Variants in NGLY1 observed in about 807,000 individuals in gnomAD.
NGLY1 encodes peptide-N(4)-(N-acetyl-beta-glucosaminyl)asparagine amidase.
A neutral mutation model predicts 84.6 loss-of-function variants in NGLY1; 68 were observed. That is an observed-to-expected ratio of 0.80 (90% CI 0.66 to 0.98). NGLY1 has a LOEUF of 0.98. Among genes scored for constraint, NGLY1 ranks in the 50% least tolerant of loss-of-function variants. The pLI is 0.00. For missense variants in NGLY1, 779 were observed against 770.2 expected, an observed-to-expected ratio of 1.01 and a Z score of -0.14; for synonymous variants, 280 against 275.2, an observed-to-expected ratio of 1.02 and a Z score of -0.17.
At chr3:25,752,895 A>G (rs1209187736) in intron 3 of NGLY1, among the ~76,000 whole-genome samples, 3 of 152,038 alleles carry the variant, frequency 2.0e-5, no homozygotes, top group African/African-American at 7.2e-5. Flanking sequence ...ATGGCTAAAG[A>G]GTGATCAGTC....
intron 10 of NGLY1, among the ~76,000 whole-genome samples, chr3:25,726,059 T>C (rs1264687695): frequency 1.3e-5 from 2 of 152,090 alleles, no homozygotes; most frequent in Non-Finnish European, 2.9e-5. Context: ...CATAATGCCA[T>C]GCACCCGCCC....
intron 1 of NGLY1, chr3:25,789,751 T>A: frequency 1.5e-6 from 2 of 1,291,226 alleles, no homozygotes; most frequent in South Asian, 2.6e-5. Flanking sequence ...TCCTTAATTC[T>A]TTCTTACAAT....
chr3:25,783,358 G>A lies in NGLY1; in HGVS notation c.33C>T (p.Gly11=), dbSNP rs1708511346. MAAAALGSSS[G]SASPAVAELC... ...GCTCAGCCACGGCCGGGGACGCCGA[G>A]CCTGAGGAGCTGCCCAATGCCGCCG... The change falls in exon 1 of 12, where the codon GGC becomes GGT. Residue 11 remains glycine, a synonymous_variant. Transcript: ENST00000280700. This position sits in a 1 kb window ranked among gnomAD's most constrained non-coding sequence, Gnocchi z 4.5. 1 of 1,563,542 alleles carries A rather than the reference G, an allele frequency of 6.4e-7. No individual in the cohort carries two copies. Among genetic ancestry groups the A allele is most frequent in the Non-Finnish European group, 8.6e-7 (1 of 1,156,146 alleles).
chr3:25,789,980 G>T, exon 1 of NGLY1: 1 of 1,321,944 alleles, frequency 7.6e-7, no homozygotes, highest in Non-Finnish European at 1.1e-6. Flanking sequence ...CAGCCAAGGT[G>T]ACGCGGCTTA....
intron 2 of NGLY1, among the ~76,000 whole-genome samples, chr3:25,775,953 C>T (rs1481730102): frequency 2.0e-5 from 3 of 152,202 alleles, no homozygotes. Flanking sequence ...CAAAATATCA[C>T]CTGTACCCCA....
intron 1 of NGLY1, among the ~76,000 whole-genome samples, chr3:25,789,497 A>C (rs1414025613): frequency 1.3e-5 from 2 of 152,192 alleles, no homozygotes; most frequent in African/African-American, 4.8e-5. Flanking sequence ...CAGACCTTTA[A>C]AGAATTATTT....
At chr3:25,752,965 G>C (rs1053024624) in intron 3 of NGLY1, among the ~76,000 whole-genome samples, 1 of 151,850 alleles carries the variant, frequency 6.6e-6, no homozygotes, top group Non-Finnish European at 1.5e-5. Flanking sequence ...AGACATTGAG[G>C]ATAAATCCAA....
chr3:25,766,670 GGTTT>G, intron 2 of NGLY1, among the ~76,000 whole-genome samples: 1 of 152,048 alleles, frequency 6.6e-6, no homozygotes, highest in African/African-American at 2.4e-5. Context: ...CCAGACATCT[GGTTT>G]AAAACCAAAT....
At chr3:25,776,280 G>C (rs1298579097) in intron 2 of NGLY1, among the ~76,000 whole-genome samples, 1 of 152,174 alleles carries the variant, frequency 6.6e-6, no homozygotes, top group African/African-American at 2.4e-5. Flanking sequence ...AACTGGAATG[G>C]CTGGCTACCC....
chr3:25,721,020 G>A (rs1259514143), intron 10 of NGLY1, among the ~76,000 whole-genome samples: 1 of 152,220 alleles, frequency 6.6e-6, no homozygotes, highest in Non-Finnish European at 1.5e-5. Flanking sequence ...ACTACAGTTT[G>A]AACTTTACAC....
At position 25,773,827 on chromosome 3, in the gene NGLY1, C is replaced by G. The variant is rs1177732504; in HGVS notation, c.246+4747G>C. 2.0e-5 allele frequency among the ~76,000 whole-genome samples: 3 copies of G among 152,188 alleles called. No homozygotes were observed. In the East Asian group the frequency reaches 5.8e-4, roughly 29 times the overall value. On this transcript the variant is annotated intron_variant, in intron 2 of 11. Coordinates refer to ENST00000280700, the MANE Select transcript of NGLY1 (RefSeq NM_018297.4). ...TGGGGTGCTCCCTTGATGTGGTGCT[C>G]TTCCCTTCCTCTAGGAATGGGGCTT...
At chr3:25,789,835 G>A (rs763617088) in intron 1 of NGLY1, 1 of 1,551,496 alleles carries the variant, frequency 6.4e-7, no homozygotes, top group South Asian at 1.2e-5. Flanking sequence ...AAAGAAAAAT[G>A]CCTTTTTGAT....
At chr3:25,719,978 T>C (rs7635072) in intron 11 of NGLY1, 36 bp downstream of exon 11, 3 of 1,563,598 alleles carry the variant, frequency 1.9e-6, no homozygotes, top group Non-Finnish European at 2.6e-6. Context: ...GTGGTAAATA[T>C]ATATTTCGTG....
chr3:25,739,271 A>G (rs1706003272), intron 5 of NGLY1, among the ~76,000 whole-genome samples: 1 of 152,202 alleles, frequency 6.6e-6, no homozygotes, highest in Non-Finnish European at 1.5e-5. Flanking sequence ...ATTTCCTATA[A>G]AAGACAGATG....
chr3:25,744,810 G>A (rs1216064978), intron 4 of NGLY1, among the ~76,000 whole-genome samples: 2 of 152,104 alleles, frequency 1.3e-5, no homozygotes, highest in African/African-American at 4.8e-5. Flanking sequence ...GTTTGGTCTG[G>A]AAATGTAATG....
chr3:25,755,475 G>A (rs577198145), intron 3 of NGLY1: 1 of 1,461,732 alleles, frequency 6.8e-7, no homozygotes. Context: ...AGATTTAACA[G>A]TGCAGATTCC....
At position 25,770,298 on chromosome 3, in the gene NGLY1, G is replaced by A. The variant is rs1418534609; in HGVS notation, c.247-5987C>T. 3.9e-5 allele frequency among the ~76,000 whole-genome samples: 6 copies of A among 152,006 alleles called. No homozygotes were observed. In the East Asian group the frequency reaches 5.8e-4, roughly 15 times the overall value. ...CGAGTAGCTGGGACTACAAGTGCCC[G>A]CCACCATGCCCAGCAAATTTTTGTA... On this transcript the variant is annotated intron_variant, in intron 2 of 11. Coordinates refer to ENST00000280700, the MANE Select transcript of NGLY1 (RefSeq NM_018297.4).
chr3:25,740,470 A>C (rs1420358129), intron 4 of NGLY1, among the ~76,000 whole-genome samples: 3 of 152,192 alleles, frequency 2.0e-5, no homozygotes, highest in Admixed American at 6.5e-5. Flanking sequence ...AGGGAAGGAG[A>C]GGGAAAATCA....
intron 3 of NGLY1, 94 bp from the exon 4 acceptor site, chr3:25,751,357 T>C: frequency 9.6e-7 from 1 of 1,045,774 alleles, no homozygotes; most frequent in East Asian, 2.8e-5. Flanking sequence ...ATTTTACAGA[T>C]AGAAGGGAAT....
Sources: allele counts gnomAD v4.1 joint callset (sites outside exome capture counted in the v4.1 genomes callset), GRCh38; gene constraint gnomAD v4.1.1; non-coding constraint Gnocchi (gnomAD v3.1); transcripts MANE v1.5; gene names NCBI Gene and HGNC (gene_info 2026-07-23, HGNC 2026-07-21).